The following PTP4A1 variants were observed in gnomAD, a reference collection of about 807,000 sequenced individuals.
The protein encoded by PTP4A1 is protein tyrosine phosphatase type IVA 1.
Under a neutral mutation model 20.5 loss-of-function variants are expected in PTP4A1, and 9 were observed. That is an observed-to-expected ratio of 0.44 (90% confidence interval 0.26 to 0.77). The LOEUF (loss-of-function observed/expected upper bound fraction) is 0.77, where lower values mean the gene tolerates loss of function less well. Ranked by LOEUF, PTP4A1 falls within the 30% of genes least tolerant of loss-of-function variation. The pLI, the probability that PTP4A1 is intolerant of heterozygous loss-of-function variation, is 0.19. For synonymous variants in PTP4A1, 78 were observed against 67.4 expected (o/e 1.16, Z -0.77); for missense variants, 137 against 218.8 (o/e 0.63, Z 2.36).
chr6:63,552,309 T>C (rs965765661), intron 3 of PTP4A1, among the ~76,000 whole-genome samples: 3 of 152,210 alleles, frequency 2.0e-5, no homozygotes, highest in Non-Finnish European at 4.4e-5. Context: ...TTTCATGTGT[T>C]TTTTTGGCTG....
At chr6:63,539,236 A>C (rs567626267) in intron 2 of PTP4A1, among the ~76,000 whole-genome samples, 2 of 152,336 alleles carry the variant, frequency 1.3e-5, no homozygotes, top group Admixed American at 6.5e-5. Context: ...TCTAACCTGT[A>C]GAATTTGTTT....
chr6:63,521,234 GA>G (rs1026323989), upstream of PTP4A1, among the ~76,000 whole-genome samples: 30 of 148,716 alleles, frequency 2.0e-4, no homozygotes, highest in African/African-American at 4.9e-4. Context: ...TAAAATAAAA[GA>G]AAAAAAAATA....
intron 2 of PTP4A1, among the ~76,000 whole-genome samples, chr6:63,549,899 T>C (rs1776360949): frequency 1.3e-5 from 2 of 152,160 alleles, no homozygotes; most frequent in Admixed American, 1.3e-4. Context: ...TCTGTAGCAT[T>C]GTAAGATGCC....
At chr6:63,551,548 T>A (rs115804903) in intron 3 of PTP4A1, among the ~76,000 whole-genome samples, 4,416 of 152,334 alleles carry the variant, frequency 0.029, 80 homozygotes, top group Middle Eastern at 0.044. Flanking sequence ...TCATTTTTTT[T>A]AATTATACTT....
Position 63,551,907 on chromosome 6 carries a change from G to GTA in PTP4A1, c.-446+1418_-446+1419dup, listed in dbSNP as rs113816649. Among the ~76,000 whole-genome samples the GTA allele has an allele frequency of 8.3e-3, 1,258 of 152,308 alleles. 13 individuals carry two copies. The highest frequency in any genetic ancestry group is 0.028 in the African/African-American group (1,181 of 41,558). ...TTATGGCTGCATAGTATTCCATGGT[G>GTA]TATATGTGCCACATTTTCTTAATCC... On this transcript the variant is annotated intron_variant, in intron 3 of 3. Coordinates refer to the PTP4A1 transcript ENST00000639568.
upstream of PTP4A1, among the ~76,000 whole-genome samples, chr6:63,519,987 G>A (rs1270730465): frequency 2.0e-5 from 3 of 152,296 alleles, no homozygotes; most frequent in East Asian, 3.9e-4. Context: ...GTATAAACCT[G>A]TAGACTGATT....
intron 2 of PTP4A1, among the ~76,000 whole-genome samples, chr6:63,535,735 A>C (rs764026348): frequency 9.9e-5 from 15 of 152,184 alleles, no homozygotes; most frequent in Non-Finnish European, 1.6e-4. Flanking sequence ...ATATCAAAGG[A>C]TCACAAAGCT....
chr6:63,554,264 T>G (rs2622310), intron 3 of PTP4A1, among the ~76,000 whole-genome samples: 19,763 of 152,236 alleles, frequency 0.13, 1,611 homozygotes, highest in African/African-American at 0.23. Flanking sequence ...TCAAGCTTCT[T>G]GTCTCTCTTA....
At chr6:63,537,758 C>T (rs967646709) in intron 2 of PTP4A1, among the ~76,000 whole-genome samples, 1 of 152,204 alleles carries the variant, frequency 6.6e-6, no homozygotes, top group Non-Finnish European at 1.5e-5. Context: ...AGGGACCCTA[C>T]AGTTTAATTT....
intron 2 of PTP4A1, among the ~76,000 whole-genome samples, chr6:63,544,827 T>C (rs1776117592): frequency 6.6e-6 from 1 of 152,172 alleles, no homozygotes; most frequent in South Asian, 2.1e-4. Context: ...ATTTCTCCCA[T>C]TACTGAAGAT....
chr6:63,562,195 C>G (rs1430542394), intron 3 of PTP4A1, among the ~76,000 whole-genome samples: 1 of 144,042 alleles, frequency 6.9e-6, no homozygotes, highest in Non-Finnish European at 1.5e-5. Context: ...AAGATATTTT[C>G]TTTTTCTTTT....
chr6:63,561,338 C>T (rs1424022262), intron 3 of PTP4A1, among the ~76,000 whole-genome samples: 1 of 152,142 alleles, frequency 6.6e-6, no homozygotes, highest in Non-Finnish European at 1.5e-5. Context: ...ATACCCAACA[C>T]ATAGTAAGCA....
Position 63,581,052 on chromosome 6 carries a change from T to C in PTP4A1, c.*878T>C, listed in dbSNP as rs1285521523. ...TTTAAAAGGTAGAGATGCTTTGTTA[T>C]TGTAATCATAAACTTCCTGAAATTC... On this transcript the variant is annotated 3_prime_UTR_variant, in exon 6 of 6. Coordinates refer to ENST00000626021, the MANE Select transcript of PTP4A1 (RefSeq NM_003463.5). 6.6e-6 allele frequency: 1 copy of C among 152,212 alleles called. No individual in the cohort carries two copies. The highest frequency in any genetic ancestry group is 1.5e-5 in the Non-Finnish European group (1 of 68,010). 9.4% of individuals were successfully genotyped at this position (152,212 alleles called of 1,614,324 possible).
intron 1 of PTP4A1, among the ~76,000 whole-genome samples, chr6:63,527,480 A>C (rs1276176612): frequency 6.6e-6 from 1 of 152,158 alleles, no homozygotes; most frequent in Non-Finnish European, 1.5e-5. Context: ...ATATCTCAAA[A>C]GCTTTTCAAA....
chr6:63,549,614 A>G, intron 2 of PTP4A1: 1 of 519,002 alleles, frequency 1.9e-6, no homozygotes, highest in Non-Finnish European at 3.4e-6. Flanking sequence ...ACACAATGGA[A>G]TACTAATTAT....
intron 1 of PTP4A1, among the ~76,000 whole-genome samples, chr6:63,574,639 T>C (rs1476001825): frequency 6.6e-6 from 1 of 152,160 alleles, no homozygotes; most frequent in Admixed American, 6.5e-5. Flanking sequence ...AGCTATTAAA[T>C]ATGGAAATAG....
intron 2 of PTP4A1, among the ~76,000 whole-genome samples, chr6:63,541,759 A>G (rs528356261): frequency 6.6e-6 from 1 of 152,212 alleles, no homozygotes; most frequent in African/African-American, 2.4e-5. Flanking sequence ...TATATTTACC[A>G]TCTCTTCCTA....
chr6:63,520,982 A>G (rs1423820084), upstream of PTP4A1, among the ~76,000 whole-genome samples: 1 of 152,140 alleles, frequency 6.6e-6, no homozygotes, highest in Non-Finnish European at 1.5e-5. Context: ...CTAACACAGG[A>G]ACAGGAAACC....
At chr6:63,571,711 A>G (rs1658745776), upstream of PTP4A1, 1 of 152,256 alleles carries the variant, frequency 6.6e-6, no homozygotes, top group Non-Finnish European at 1.5e-5. Context: ...AAATGCCACA[A>G]TTGAGCCAAC....
Sources: gnomAD v4.1 joint callset for allele counts (sites outside exome capture counted in the v4.1 genomes callset) on GRCh38, gnomAD v4.1.1 for gene constraint, MANE v1.5 for transcripts, NCBI Gene and HGNC (gene_info 2026-07-23, HGNC 2026-07-21) for gene names.